ARID4B: variants seen among roughly 807,000 people sequenced by gnomAD.
ARID4B encodes the protein AT-rich interactive domain-containing protein 4B.
A neutral mutation model predicts 147.5 loss-of-function variants in ARID4B; 26 were observed. The ratio of observed to expected loss-of-function variants is 0.18; its 90% CI spans 0.13 to 0.24. The LOEUF (loss-of-function observed/expected upper bound fraction) is 0.24. Ranked by LOEUF, ARID4B falls within the 10% of genes least tolerant of loss-of-function variation. The pLI is 1.00. For missense variants in ARID4B, 1,179 were observed against 1,511.5 expected, an observed-to-expected ratio of 0.78 and a Z score of 3.65; for synonymous variants, 512 against 507.9, an observed-to-expected ratio of 1.01 and a Z score of -0.11.
intron 2 of ARID4B, among the ~76,000 whole-genome samples, chr1:235,318,743 T>C (rs1558311456): frequency 6.6e-6 from 1 of 151,990 alleles, no homozygotes; most frequent in East Asian, 1.9e-4. Flanking sequence ...TTGCTGGGCA[T>C]GGTGGCGCAC....
chr1:235,171,188 T>C (rs962933877), intron 23 of ARID4B, among the ~76,000 whole-genome samples: 2 of 152,088 alleles, frequency 1.3e-5, no homozygotes, highest in African/African-American at 4.8e-5. Context: ...TCCCAGCACT[T>C]TGGGAGACTG....
intron 8 of ARID4B, among the ~76,000 whole-genome samples, chr1:235,238,593 C>T (rs111559226): frequency 6.6e-6 from 1 of 152,182 alleles, no homozygotes; most frequent in African/African-American, 2.4e-5. Flanking sequence ...CAGTAGCCCC[C>T]ACCTGTAATC....
chr1:235,245,346 CTT>C (rs1669233938), intron 7 of ARID4B, among the ~76,000 whole-genome samples: 2 of 152,062 alleles, frequency 1.3e-5, no homozygotes, highest in South Asian at 4.1e-4. Context: ...AAATAACTGA[CTT>C]TTTAACAGAT....
intron 21 of ARID4B, chr1:235,176,931 T>A (rs1371553102): frequency 2.1e-6 from 1 of 471,080 alleles, no homozygotes; most frequent in Non-Finnish European, 4.4e-6. Flanking sequence ...ACATATTTTC[T>A]GCTTCTTACT....
intron 9 of ARID4B, 41 bp from the exon 10 acceptor site, chr1:235,231,230 A>G (rs749840605): frequency 9.8e-7 from 1 of 1,023,650 alleles, no homozygotes; most frequent in South Asian, 1.6e-5. Context: ...AAAAAAACCC[A>G]AAATATGACT....
At chr1:235,225,362 T>A (rs1667762527) in intron 11 of ARID4B, among the ~76,000 whole-genome samples, 1 of 152,212 alleles carries the variant, frequency 6.6e-6, no homozygotes, top group African/African-American at 2.4e-5. Flanking sequence ...AGTAATAAAA[T>A]AGTTCCCCAA....
intron 2 of ARID4B, among the ~76,000 whole-genome samples, chr1:235,309,155 T>C: frequency 6.7e-6 from 1 of 148,732 alleles, no homozygotes. Context: ...GGAGCGCCTC[T>C]GCCCGGCCGT....
At chr1:235,217,921 T>C (rs1431637384) in intron 16 of ARID4B, among the ~76,000 whole-genome samples, 1 of 152,200 alleles carries the variant, frequency 6.6e-6, no homozygotes, top group African/African-American at 2.4e-5. Context: ...CCAAACCTTA[T>C]ATATACTGTG....
At chr1:235,293,327 T>G (rs1672464284) in intron 2 of ARID4B, among the ~76,000 whole-genome samples, 1 of 152,182 alleles carries the variant, frequency 6.6e-6, no homozygotes, top group South Asian at 2.1e-4. Context: ...AAAAAAATTT[T>G]ATATAATGAA....
chr1:235,234,336 A>C (rs1668428095), intron 9 of ARID4B, 77 bp downstream of exon 9: 1 of 912,646 alleles, frequency 1.1e-6, no homozygotes, highest in African/African-American at 1.7e-5. Context: ...ATAACTAATT[A>C]ATCATTTAAC....
intron 2 of ARID4B, among the ~76,000 whole-genome samples, chr1:235,299,756 C>A (rs1033022105): frequency 1.3e-5 from 2 of 152,128 alleles, no homozygotes; most frequent in African/African-American, 4.8e-5. Flanking sequence ...TTGGTCTATG[C>A]CAGAGTTTGA....
chr1:235,190,276 C>T (rs1251278473), intron 19 of ARID4B, among the ~76,000 whole-genome samples: 10 of 152,030 alleles, frequency 6.6e-5, no homozygotes, highest in Admixed American at 4.6e-4. Flanking sequence ...GGCAAAACCC[C>T]ATCTCTACTA....
chr1:235,171,222 G>A (rs1663336234), intron 23 of ARID4B, among the ~76,000 whole-genome samples: 1 of 152,056 alleles, frequency 6.6e-6, no homozygotes, highest in Admixed American at 6.6e-5. Context: ...ACGAAGTCAA[G>A]AGATCGAGCC....
chr1:235,239,391 A>G (rs993939206), intron 8 of ARID4B, among the ~76,000 whole-genome samples: 1 of 152,200 alleles, frequency 6.6e-6, no homozygotes, highest in Non-Finnish European at 1.5e-5. Context: ...ATTGCCACAG[A>G]GTTAAATCTT....
In ARID4B at chr1:235,220,488, T is replaced by C; in HGVS notation, c.1221A>G (p.Ala407=). 6.2e-7 allele frequency: 1 copy of C among 1,612,580 alleles called. No homozygotes were observed. Among genetic ancestry groups the C allele is most frequent in the South Asian group, 1.1e-5 (1 of 91,012 alleles). ...GCTTGTTAACAACTTTCTCTGGCAA[T>C]GCCATCTGAAATTCAATGTTGGCTG... is the stretch of plus-strand genomic sequence containing the variant. ...CRSANIEFQM[A]LPEKVVNKQC... is the part of the protein sequence containing the mutation. The change falls in exon 15 of 24, where the codon GCA becomes GCG. Residue 407 remains alanine (A), a synonymous_variant. Transcript: ENST00000264183.
intron 2 of ARID4B, among the ~76,000 whole-genome samples, chr1:235,316,979 A>G (rs1479489888): frequency 1.3e-5 from 2 of 152,228 alleles, no homozygotes. Context: ...GGATGTTCAA[A>G]TACTAAGCAT....
At chr1:235,236,863 T>TATATATATATATATATATATATATA (rs1491159347) in intron 8 of ARID4B, among the ~76,000 whole-genome samples, 2 of 17,914 alleles carry the variant, frequency 1.1e-4, no homozygotes, top group Non-Finnish European at 1.9e-4. Flanking sequence ...TATATATATA[T>TATATATATATATATATATATATATA]TTTTTTTTTT....
intron 9 of ARID4B, 71 bp downstream of exon 9, chr1:235,234,342 T>G: frequency 1.0e-6 from 1 of 978,892 alleles, no homozygotes; most frequent in Non-Finnish European, 1.6e-6. Flanking sequence ...AATTAATCAT[T>G]TAACATCCTA....
At chr1:235,323,427 C>G (rs970194891) in intron 2 of ARID4B, among the ~76,000 whole-genome samples, 6 of 151,790 alleles carry the variant, frequency 4.0e-5, no homozygotes, top group African/African-American at 1.5e-4. Flanking sequence ...TTTACTGCTA[C>G]GTAATAAAAG....
Sources: allele counts gnomAD v4.1 joint callset (sites outside exome capture counted in the v4.1 genomes callset), GRCh38; gene constraint gnomAD v4.1.1; transcripts MANE v1.5; gene names NCBI Gene and HGNC (gene_info 2026-07-23, HGNC 2026-07-21).